Variants in DPP10 observed in about 807,000 individuals in gnomAD.
The protein encoded by DPP10 is dipeptidyl peptidase like 10, also known as inactive dipeptidyl peptidase 10.
In DPP10, 33 loss-of-function variants were observed where a neutral mutation model predicts 120.9. The observed-to-expected ratio is 0.27, with a 90% CI of 0.21 to 0.37. DPP10 has a LOEUF of 0.37. Among genes scored for constraint, DPP10 ranks in the 10% least tolerant of loss-of-function variants. DPP10 has a pLI of 1.00. For missense variants in DPP10, 816 were observed against 942.8 expected (o/e 0.87, Z 1.76); for synonymous variants, 337 against 326.1 (o/e 1.03, Z -0.36).
At chr2:114,783,850 CT>C (rs1388946829) in intron 1 of DPP10, among the ~76,000 whole-genome samples, 2 of 151,888 alleles carry the variant, frequency 1.3e-5, no homozygotes, top group Admixed American at 6.6e-5. Context: ...CTCCCTCCCC[CT>C]ATATATATTC....
At chr2:114,484,876 T>C (rs1422168194) in intron 1 of DPP10, among the ~76,000 whole-genome samples, 1 of 152,052 alleles carries the variant, frequency 6.6e-6, no homozygotes, top group Non-Finnish European at 1.5e-5. Context: ...TGCAGCTACT[T>C]CCATGCTTCA....
chr2:115,729,685 G>C (rs1048847677), intron 8 of DPP10, among the ~76,000 whole-genome samples: 8 of 152,212 alleles, frequency 5.3e-5, no homozygotes, highest in Admixed American at 2.0e-4. Context: ...TAATGAGAGA[G>C]GATTGCTTGA....
chr2:115,319,766 G>A (rs915809463), intron 2 of DPP10, among the ~76,000 whole-genome samples: 40 of 152,132 alleles, frequency 2.6e-4, no homozygotes, highest in Non-Finnish European at 2.2e-4. Context: ...CAAGGTTCTA[G>A]CAGGACTGGT....
intron 4 of DPP10, among the ~76,000 whole-genome samples, chr2:115,523,829 C>A (rs558370437): frequency 1.3e-5 from 2 of 152,182 alleles, no homozygotes; most frequent in South Asian, 4.1e-4. Flanking sequence ...AACTTGCAGA[C>A]CACATGGTAG....
At chr2:115,642,645 C>G (rs1176649396) in intron 5 of DPP10, among the ~76,000 whole-genome samples, 1 of 151,954 alleles carries the variant, frequency 6.6e-6, no homozygotes, top group Non-Finnish European at 1.5e-5. Flanking sequence ...CTCCCTCTCT[C>G]CTTTCCCTAT....
chr2:115,208,972 G>A (rs925942668), intron 1 of DPP10, among the ~76,000 whole-genome samples: 21 of 152,150 alleles, frequency 1.4e-4, no homozygotes, highest in Admixed American at 5.9e-4. Context: ...TTGGCTTTGT[G>A]TGTAGACAAC....
At chr2:114,834,221 A>G (rs1338024594) in intron 1 of DPP10, among the ~76,000 whole-genome samples, 2 of 150,670 alleles carry the variant, frequency 1.3e-5, no homozygotes, top group African/African-American at 2.4e-5. Flanking sequence ...ACCTATGTAT[A>G]TATATAGGCC....
At chr2:115,646,102 G>A (rs576115430) in intron 5 of DPP10, among the ~76,000 whole-genome samples, 10 of 150,814 alleles carry the variant, frequency 6.6e-5, no homozygotes, top group South Asian at 2.1e-4. Context: ...ATGCACGTGC[G>A]TGCGCGCACA....
At chr2:115,532,245 T>G (rs1051386426) in intron 5 of DPP10, among the ~76,000 whole-genome samples, 1 of 152,098 alleles carries the variant, frequency 6.6e-6, no homozygotes, top group Admixed American at 6.6e-5. Flanking sequence ...GTCCCGCTTC[T>G]TGGCTGTTTA....
At chr2:115,106,204 G>T (rs1018175018) in intron 1 of DPP10, among the ~76,000 whole-genome samples, 1 of 152,216 alleles carries the variant, frequency 6.6e-6, no homozygotes, top group Non-Finnish European at 1.5e-5. Flanking sequence ...TTTGAACAGT[G>T]ATTGTGTGAA....
At chr2:115,617,175 C>T (rs1016623350) in intron 5 of DPP10, among the ~76,000 whole-genome samples, 9 of 148,916 alleles carry the variant, frequency 6.0e-5, no homozygotes, top group East Asian at 2.0e-4. Flanking sequence ...GTAGTTACCC[C>T]CTTAACCATG....
intron 1 of DPP10, among the ~76,000 whole-genome samples, chr2:114,493,561 G>A (rs1682191441): frequency 6.6e-6 from 1 of 152,040 alleles, no homozygotes; most frequent in South Asian, 2.1e-4. Flanking sequence ...CATGTAGGAC[G>A]TGGTGAGGTT....
At chr2:115,066,949 A>C (rs1312869626) in intron 1 of DPP10, 2 of 152,182 alleles carry the variant, frequency 1.3e-5, no homozygotes, top group African/African-American at 4.8e-5. Flanking sequence ...CTCTGAGTAA[A>C]TGTTAAGTAT....
chr2:114,848,288 T>C (rs1688694735), intron 1 of DPP10, among the ~76,000 whole-genome samples: 1 of 152,160 alleles, frequency 6.6e-6, no homozygotes, highest in Non-Finnish European at 1.5e-5. Context: ...ATTTGCTCTA[T>C]ACCAGCCAAA....
chr2:114,733,656 G>A (rs1677135216), intron 1 of DPP10, among the ~76,000 whole-genome samples: 1 of 152,134 alleles, frequency 6.6e-6, no homozygotes, highest in Non-Finnish European at 1.5e-5. Context: ...ATGGCAGGAT[G>A]CATTCTGACC....
chr2:115,690,057 A>G, intron 7 of DPP10, 136 bp downstream of exon 7: 7 of 725,296 alleles, frequency 9.7e-6, no homozygotes, highest in Non-Finnish European at 1.3e-5. Flanking sequence ...TATATCTTTT[A>G]TCTAATAGTC....
intron 1 of DPP10, among the ~76,000 whole-genome samples, chr2:115,120,127 T>C (rs1324946863): frequency 6.6e-6 from 1 of 152,238 alleles, no homozygotes; most frequent in Admixed American, 6.5e-5. Context: ...TGTTGTTGCA[T>C]AGTTGTTAAA....
chr2:115,193,552 C>T lies in DPP10; in HGVS notation c.61-115687C>T, dbSNP rs373836299. ...TTTTGGCAAGTGAAGATTATTTATA[C>T]GTGGGTGATTAATTCCTTGTGGAAC... On this transcript the variant is annotated intron_variant, in intron 1 of 25. Transcript: ENST00000410059. Among the ~76,000 whole-genome samples the T allele has an allele frequency of 1.2e-4, 18 of 152,270 alleles. No individual in the cohort carries two copies. The East Asian group carries it at 2.7e-3, about 23-fold the overall frequency.
chr2:114,598,856 A>G (rs960910571), intron 1 of DPP10, among the ~76,000 whole-genome samples: 3 of 151,862 alleles, frequency 2.0e-5, no homozygotes, highest in Admixed American at 1.3e-4. Flanking sequence ...CACTGTTGGT[A>G]TAATTAGGAG....
Sources: gnomAD v4.1 joint callset for allele counts (sites outside exome capture counted in the v4.1 genomes callset) on GRCh38, gnomAD v4.1.1 for gene constraint, MANE v1.5 for transcripts, NCBI Gene and HGNC (gene_info 2026-07-23, HGNC 2026-07-21) for gene names.